ITGB8: variants seen among roughly 807,000 people sequenced by gnomAD.
ITGB8 encodes the protein integrin beta-8.
Under a neutral mutation model 89.5 loss-of-function variants are expected in ITGB8, and 30 were observed. The ratio of observed to expected loss-of-function variants is 0.34; its 90% CI spans 0.25 to 0.45. ITGB8 has a LOEUF of 0.45. ITGB8 is among the 20% of genes least tolerant of loss of function. The pLI is 1.00. For missense variants in ITGB8, 836 were observed against 933.3 expected (o/e 0.90, Z 1.36); for synonymous variants, 335 against 320.4 (o/e 1.05, Z -0.49).
At position 20,412,275 on chromosome 7, in the gene ITGB8, G is replaced by C. The variant is rs994560752; in HGVS notation, c.*2278G>C. 1 of 152,576 alleles carries C rather than the reference G, an allele frequency of 6.6e-6. No individual in the cohort carries two copies. The highest frequency in any genetic ancestry group is 1.5e-5 in the Non-Finnish European group (1 of 68,018). 9.5% of individuals were successfully genotyped at this position (152,576 alleles called of 1,614,324 possible). A position where few individuals can be genotyped will look rare whatever the true frequency, so the allele number is the denominator to read the frequency against. The stretch of plus-strand genomic sequence containing the variant: ...AGAGATTGACATAATTCAGTACTGT[G>C]AGTCACTTGTATAAGAAACCTTTGA... On this transcript the variant is annotated 3_prime_UTR_variant, in exon 14 of 14. Coordinates refer to ENST00000222573, the MANE Select transcript of ITGB8 (RefSeq NM_002214.3).
intron 10 of ITGB8, among the ~76,000 whole-genome samples, chr7:20,402,889 G>T (rs1385558653): frequency 6.6e-6 from 1 of 152,134 alleles, no homozygotes; most frequent in East Asian, 1.9e-4. Flanking sequence ...GTTTTTAAAT[G>T]AATTAAATAA....
chr7:20,379,067 T>C lies in ITGB8; in HGVS notation c.405T>C (p.Phe135=). ...IQLRPGAEAN[F]MLKVHPLKKY... Reference sequence around the variant, plus strand: ...TTGAACTAGGAGCCGAAGCTAATTTTATGCTGAAAGTTCATCCTCTGAAGA... The same window carrying C: ...TTGAACTAGGAGCCGAAGCTAATTTCATGCTGAAAGTTCATCCTCTGAAGA... The change falls in exon 4 of 14, where the codon TTT becomes TTC. Residue 135 remains phenylalanine (F), a synonymous_variant. Transcript: ENST00000222573. 1 of 1,586,286 alleles carries C rather than the reference T, an allele frequency of 6.3e-7. No homozygotes were observed. The highest frequency in any genetic ancestry group is 2.3e-5 in the East Asian group (1 of 44,020).
rs1583496244 is a variant in ITGB8, at chr7:20,366,799, A to G, written c.214-213A>G. The G allele has an allele frequency of 6.6e-6, 3 of 452,244 alleles. No homozygotes were observed. The East Asian group carries it at 1.3e-4, about 19-fold the overall frequency. 28.0% of individuals were successfully genotyped at this position (452,244 alleles called of 1,614,324 possible). Reference sequence around the variant, plus strand: ...AAAAAAAGCCAACCAGAGAAACTTCAGTCTGAGCTTTTCCTTCTCAAATAG... The same window carrying G: ...AAAAAAAGCCAACCAGAGAAACTTCGGTCTGAGCTTTTCCTTCTCAAATAG... On this transcript the variant is annotated intron_variant, in intron 2 of 13. Coordinates refer to ENST00000222573, the MANE Select transcript of ITGB8 (RefSeq NM_002214.3).
At chr7:20,342,163 C>T (rs1426903895) in intron 1 of ITGB8, among the ~76,000 whole-genome samples, 1 of 152,158 alleles carries the variant, frequency 6.6e-6, no homozygotes, top group Non-Finnish European at 1.5e-5. Flanking sequence ...TATGAAAGAA[C>T]ATCAAGCTCC....
intron 1 of ITGB8, chr7:20,346,949 A>C (rs544985626): frequency 2.9e-6 from 2 of 680,970 alleles, no homozygotes; most frequent in Admixed American, 1.3e-4. Flanking sequence ...TCATCAATGT[A>C]ATGGCATTAA....
chr7:20,348,715 G>C (rs1290193153), intron 1 of ITGB8, among the ~76,000 whole-genome samples: 5 of 152,196 alleles, frequency 3.3e-5, no homozygotes, highest in Admixed American at 3.3e-4. Flanking sequence ...TGATAACAAA[G>C]ATGGGGGAGC....
intron 9 of ITGB8, among the ~76,000 whole-genome samples, chr7:20,400,400 CAA>C (rs10563425): frequency 0.023 from 3,434 of 152,128 alleles, 107 homozygotes; most frequent in African/African-American, 0.071. Context: ...TTCTCAAAGA[CAA>C]AAGCATTTTA....
chr7:20,374,180 G>A (rs532094767), intron 3 of ITGB8, among the ~76,000 whole-genome samples: 6 of 152,194 alleles, frequency 3.9e-5, no homozygotes, highest in Non-Finnish European at 7.3e-5. Flanking sequence ...GAGAAACTCT[G>A]TGGAAGCTCT....
chr7:20,375,117 C>T (rs1182802271), intron 3 of ITGB8, among the ~76,000 whole-genome samples: 1 of 151,702 alleles, frequency 6.6e-6, no homozygotes, highest in African/African-American at 2.4e-5. Context: ...ACTCTTAAAC[C>T]CTTCACTGGG....
At chr7:20,376,148 C>T (rs1456433523) in intron 3 of ITGB8, among the ~76,000 whole-genome samples, 1 of 152,126 alleles carries the variant, frequency 6.6e-6, no homozygotes, top group Non-Finnish European at 1.5e-5. Context: ...AGGGTGCTGT[C>T]CCTGTCAGGG....
At chr7:20,334,141 G>A (rs1055463877) in intron 1 of ITGB8, among the ~76,000 whole-genome samples, 2 of 152,148 alleles carry the variant, frequency 1.3e-5, no homozygotes, top group African/African-American at 4.8e-5. Context: ...CAAATATATA[G>A]TGAGCAGTGG....
intron 9 of ITGB8, among the ~76,000 whole-genome samples, chr7:20,401,184 G>A (rs1009482269): frequency 1.3e-5 from 2 of 152,074 alleles, no homozygotes; most frequent in African/African-American, 4.8e-5. Context: ...TCACCATGTT[G>A]GCTAGGCTGA....
At chr7:20,343,300 T>C (rs373017614) in intron 1 of ITGB8, among the ~76,000 whole-genome samples, 9 of 152,216 alleles carry the variant, frequency 5.9e-5, no homozygotes, top group African/African-American at 2.2e-4. Context: ...AGATAATGTA[T>C]ATTTGGGAAC....
intron 1 of ITGB8, among the ~76,000 whole-genome samples, chr7:20,351,470 A>G (rs543156179): frequency 1.3e-5 from 2 of 152,372 alleles, no homozygotes; most frequent in South Asian, 4.1e-4. Context: ...CTTCAGGTAG[A>G]TCATTTATAT....
chr7:20,344,458 G>A (rs1364381431), intron 1 of ITGB8, among the ~76,000 whole-genome samples: 1 of 152,170 alleles, frequency 6.6e-6, no homozygotes, highest in African/African-American at 2.4e-5. Context: ...GTCTCCAATA[G>A]TACATATAAT....
At chr7:20,365,666 T>C (rs559248351) in intron 2 of ITGB8, 1 of 152,362 alleles carries the variant, frequency 6.6e-6, no homozygotes, top group African/African-American at 2.4e-5. Flanking sequence ...GAGGATTGCC[T>C]GCATTAATAA....
chr7:20,388,539 T>A (rs765851051), intron 6 of ITGB8, among the ~76,000 whole-genome samples: 1 of 152,252 alleles, frequency 6.6e-6, no homozygotes, highest in African/African-American at 2.4e-5. Flanking sequence ...TTTTTAAATA[T>A]CTGCCTTGAG....
chr7:20,349,681 AAAC>A (rs929060695), intron 1 of ITGB8, among the ~76,000 whole-genome samples: 25 of 152,212 alleles, frequency 1.6e-4, no homozygotes, highest in African/African-American at 5.5e-4. Context: ...AATCTGTATT[AAAC>A]AACAACAACA....
At chr7:20,376,617 A>C (rs777760100) in intron 3 of ITGB8, among the ~76,000 whole-genome samples, 10 of 152,060 alleles carry the variant, frequency 6.6e-5, no homozygotes, top group Non-Finnish European at 1.5e-4. Context: ...GGACTATCTC[A>C]AACTAATGGG....
Sources: allele counts gnomAD v4.1 joint callset (sites outside exome capture counted in the v4.1 genomes callset), GRCh38; gene constraint gnomAD v4.1.1; transcripts MANE v1.5; gene names NCBI Gene and HGNC (gene_info 2026-07-23, HGNC 2026-07-21).